The following ARHGAP24 variants were observed in gnomAD, a reference collection of about 807,000 sequenced individuals.
ARHGAP24 encodes the protein rho GTPase-activating protein 24.
Under a neutral mutation model 76.4 loss-of-function variants are expected in ARHGAP24, and 50 were observed. The observed-to-expected ratio is 0.65, with a 90% CI of 0.52 to 0.83. The LOEUF (loss-of-function observed/expected upper bound fraction) is 0.83, where lower values mean the gene tolerates loss of function less well. Ranked by LOEUF, ARHGAP24 falls within the 40% of genes least tolerant of loss-of-function variation. The pLI, the probability that ARHGAP24 is intolerant of heterozygous loss-of-function variation, is 0.00. For synonymous variants in ARHGAP24, 345 were observed against 323.3 expected, an observed-to-expected ratio of 1.07 and a Z score of -0.72; for missense variants, 930 against 914.2, an observed-to-expected ratio of 1.02 and a Z score of -0.22.
chr4:85,671,929 T>C (rs1434677494), intron 2 of ARHGAP24, among the ~76,000 whole-genome samples: 1 of 152,084 alleles, frequency 6.6e-6, no homozygotes, highest in Non-Finnish European at 1.5e-5. Context: ...TTTTTTCCAT[T>C]TGAGGAGCTG....
chr4:85,859,226 C>CACACAA (rs1329708856), intron 3 of ARHGAP24, among the ~76,000 whole-genome samples: 1 of 151,518 alleles, frequency 6.6e-6, no homozygotes, highest in Non-Finnish European at 1.5e-5. Context: ...CACACACACA[C>CACACAA]ACACACACAC....
chr4:85,935,793 A>G (rs1736597549), intron 4 of ARHGAP24, among the ~76,000 whole-genome samples: 1 of 152,190 alleles, frequency 6.6e-6, no homozygotes, highest in South Asian at 2.1e-4. Flanking sequence ...TCAAAGACCT[A>G]GTCCACTGGG....
At chr4:85,959,512 C>A (rs768131852) in intron 5 of ARHGAP24, among the ~76,000 whole-genome samples, 6 of 152,168 alleles carry the variant, frequency 3.9e-5, no homozygotes, top group Non-Finnish European at 8.8e-5. Flanking sequence ...CTGACACATC[C>A]ATGTCATAAC....
At chr4:85,863,235 T>C (rs575031531) in intron 3 of ARHGAP24, among the ~76,000 whole-genome samples, 1 of 152,138 alleles carries the variant, frequency 6.6e-6, no homozygotes, top group African/African-American at 2.4e-5. Context: ...CTATTTTTCT[T>C]TGCAGGCTAA....
At chr4:85,771,925 T>C (rs1456953604) in intron 3 of ARHGAP24, among the ~76,000 whole-genome samples, 1 of 152,156 alleles carries the variant, frequency 6.6e-6, no homozygotes, top group African/African-American at 2.4e-5. Flanking sequence ...ACCAGGCTGG[T>C]CTTGAACTCC....
In ARHGAP24 at chr4:85,923,653, G is replaced by A. The variant is rs571519833; in HGVS notation, c.274G>A (p.Asp92Asn). The A allele has an allele frequency of 6.2e-6, 10 of 1,613,584 alleles. No homozygotes were observed. The South Asian group carries it at 8.8e-5, about 14-fold the overall frequency. ...KFLFEVVPGGDRDRMTANHES... is the reference protein window; with the variant it reads ...KFLFEVVPGGNRDRMTANHES... ...TTGTTACTGTGTTTTCACAGGAGGC[G>A]ATCGAGATCGGATGACAGCAAATCA... The change falls in exon 4 of 10, where the codon GAT (aspartate) becomes AAT (asparagine). Residue 92 changes from aspartate (D) to asparagine (N), a missense_variant. Transcript: ENST00000395184.
At chr4:85,841,763 G>A (rs1042899984) in intron 3 of ARHGAP24, among the ~76,000 whole-genome samples, 1 of 152,310 alleles carries the variant, frequency 6.6e-6, no homozygotes, top group African/African-American at 2.4e-5. Context: ...AGCACATTTT[G>A]TTCAGCAGAG....
chr4:85,595,722 C>T (rs1463630364), intron 2 of ARHGAP24, among the ~76,000 whole-genome samples: 2 of 151,858 alleles, frequency 1.3e-5, no homozygotes, highest in South Asian at 2.1e-4. Flanking sequence ...GGGAGACTGA[C>T]GTAATGACAA....
rs1731536907 is a variant in ARHGAP24, at chr4:85,855,993, T to C, written c.269-67655T>C. Among the ~76,000 whole-genome samples, 3 of 152,166 alleles carry C rather than the reference T, an allele frequency of 2.0e-5. No individual in the cohort carries two copies. In the South Asian group the frequency reaches 6.2e-4, roughly 31 times the overall value. On this transcript the variant is annotated intron_variant, in intron 3 of 9. Transcript: ENST00000395184. ...TATGAACATTCATGTAGAAGATGAG[T>C]AATTTGCTAAGTGTATGTTTAACTT...
At chr4:85,903,858 G>A (rs1734627602) in intron 3 of ARHGAP24, among the ~76,000 whole-genome samples, 1 of 152,040 alleles carries the variant, frequency 6.6e-6, no homozygotes, top group African/African-American at 2.4e-5. Context: ...CTTTTGAGAT[G>A]ATTTGCAAAG....
At chr4:85,567,236 G>C (rs1024607412) in intron 1 of ARHGAP24, among the ~76,000 whole-genome samples, 2 of 152,188 alleles carry the variant, frequency 1.3e-5, no homozygotes, top group Non-Finnish European at 1.5e-5. Context: ...ATATGTGTGA[G>C]CATGTACCTG....
At chr4:85,871,429 G>A (rs573301451) in intron 3 of ARHGAP24, among the ~76,000 whole-genome samples, 3 of 152,158 alleles carry the variant, frequency 2.0e-5, no homozygotes, top group African/African-American at 4.8e-5. Flanking sequence ...TTCCATACTC[G>A]TTGATCAACT....
At chr4:85,498,112 A>G (rs1354608123) in intron 1 of ARHGAP24, among the ~76,000 whole-genome samples, 1 of 152,240 alleles carries the variant, frequency 6.6e-6, no homozygotes, top group Admixed American at 6.5e-5. Context: ...TTTGGTAACA[A>G]GAACAAGGAG....
At chr4:85,602,709 A>C (rs144282022) in intron 2 of ARHGAP24, among the ~76,000 whole-genome samples, 2 of 152,180 alleles carry the variant, frequency 1.3e-5, no homozygotes, top group Non-Finnish European at 2.9e-5. Context: ...GCATTTTCTC[A>C]TACTTAATTC....
intron 5 of ARHGAP24, among the ~76,000 whole-genome samples, chr4:85,968,572 A>G (rs1292347047): frequency 2.0e-5 from 3 of 152,176 alleles, no homozygotes; most frequent in South Asian, 2.1e-4. Flanking sequence ...TTGCTATTTT[A>G]TAGACTGAAC....
At chr4:85,557,023 CG>C (rs1225564463) in intron 1 of ARHGAP24, among the ~76,000 whole-genome samples, 6 of 152,144 alleles carry the variant, frequency 3.9e-5, no homozygotes, top group African/African-American at 1.4e-4. Context: ...GGGAGAGTCC[CG>C]AGTCACTGCA....
In ARHGAP24 at chr4:85,501,825, GT is replaced by G. The variant is rs569405902; in HGVS notation, c.-21+26275del. ...CCTATGTCCTGAATGGTATTGCCTA[GT>G]TTTTTTTTCTAGGGTTTTTATGGTT... On this transcript the variant is annotated intron_variant, in intron 1 of 9. Transcript: ENST00000395184. Among the ~76,000 whole-genome samples, 10 of 151,288 alleles carry G rather than the reference GT, an allele frequency of 6.6e-5. No homozygotes were observed. The South Asian group carries it at 1.3e-3, about 19-fold the overall frequency.
intron 2 of ARHGAP24, among the ~76,000 whole-genome samples, chr4:85,707,776 A>C (rs1724373865): frequency 6.6e-6 from 1 of 152,190 alleles, no homozygotes; most frequent in Non-Finnish European, 1.5e-5. Flanking sequence ...CTCCGGCACA[A>C]GAATGAAAGT....
At chr4:85,761,853 G>GA (rs1448692942) in intron 3 of ARHGAP24, among the ~76,000 whole-genome samples, 1 of 152,140 alleles carries the variant, frequency 6.6e-6, no homozygotes, top group East Asian at 1.9e-4. Flanking sequence ...CTTTTCCTGG[G>GA]AAAAGCACAG....
Sources: allele counts gnomAD v4.1 joint callset (sites outside exome capture counted in the v4.1 genomes callset), GRCh38; gene constraint gnomAD v4.1.1; transcripts MANE v1.5; gene names NCBI Gene and HGNC (gene_info 2026-07-23, HGNC 2026-07-21).